The following DAPK1 variants were observed in gnomAD, a reference collection of about 807,000 sequenced individuals.
DAPK1 encodes death-associated protein kinase 1.
DAPK1 carries 56 observed loss-of-function variants against 144.9 expected under a neutral mutation model. That is an observed-to-expected ratio of 0.39 (90% confidence interval 0.31 to 0.48). DAPK1 has a LOEUF of 0.48. Among genes scored for constraint, DAPK1 ranks in the 20% least tolerant of loss-of-function variants. DAPK1 has a pLI of 0.95. For synonymous variants in DAPK1, 690 were observed against 749.0 expected, an observed-to-expected ratio of 0.92 and a Z score of 1.29; for missense variants, 1,454 against 1,875.4, an observed-to-expected ratio of 0.78 and a Z score of 4.15.
intron 2 of DAPK1, among the ~76,000 whole-genome samples, chr9:87,534,379 A>G (rs1825797477): frequency 6.6e-6 from 1 of 151,708 alleles, no homozygotes; most frequent in African/African-American, 2.4e-5. Context: ...TGGACATTTC[A>G]TTGGATCTTC....
chr9:87,604,000 T>C (rs1828620288), intron 2 of DAPK1, among the ~76,000 whole-genome samples: 1 of 152,200 alleles, frequency 6.6e-6, no homozygotes, highest in Non-Finnish European at 1.5e-5. Context: ...TATTGGCTTA[T>C]GTCGCTGAAA....
chr9:87,619,909 C>T (rs960617628), intron 3 of DAPK1, among the ~76,000 whole-genome samples: 6 of 152,194 alleles, frequency 3.9e-5, no homozygotes, highest in African/African-American at 1.4e-4. Context: ...CCGATGAGCT[C>T]TTCAGAAGAT....
intron 3 of DAPK1, among the ~76,000 whole-genome samples, chr9:87,611,334 A>G (rs185176643): frequency 8.6e-5 from 13 of 152,042 alleles, no homozygotes; most frequent in African/African-American, 1.9e-4. Context: ...TATTTTTCCT[A>G]GAGACGGGGT....
chr9:87,607,450 A>G (rs1196639371), intron 3 of DAPK1, among the ~76,000 whole-genome samples: 1 of 152,214 alleles, frequency 6.6e-6, no homozygotes, highest in Non-Finnish European at 1.5e-5. Context: ...AGCGATGCCT[A>G]TGAGTCACTG....
intron 24 of DAPK1, among the ~76,000 whole-genome samples, chr9:87,702,227 C>A (rs7022007): frequency 1.3e-5 from 2 of 152,020 alleles, no homozygotes; most frequent in African/African-American, 2.4e-5. Context: ...GAGGGGAGTG[C>A]GGAATTAATG....
intron 2 of DAPK1, among the ~76,000 whole-genome samples, chr9:87,501,364 C>CA (rs940013105): frequency 7.2e-5 from 11 of 151,788 alleles, no homozygotes; most frequent in East Asian, 1.9e-4. Flanking sequence ...ACTAAAAATA[C>CA]AAAAAAAATT....
chr9:87,561,585 C>G (rs774960041), intron 2 of DAPK1, among the ~76,000 whole-genome samples: 1 of 152,068 alleles, frequency 6.6e-6, no homozygotes. Flanking sequence ...TCTAATGAAA[C>G]CTTTCATTGA....
chr9:87,497,330 T>C (rs1824202236), upstream of DAPK1: 1 of 152,240 alleles, frequency 6.6e-6, no homozygotes, highest in African/African-American at 2.4e-5. Flanking sequence ...CATTCTCTAT[T>C]CCATTAACCT....
intron 17 of DAPK1, 174 bp from the exon 18 acceptor site, chr9:87,657,855 A>C: frequency 1.6e-6 from 1 of 617,186 alleles, no homozygotes; most frequent in East Asian, 2.8e-5. Context: ...AGTACTTGGA[A>C]AGGTTCTGCC....
intron 18 of DAPK1, 61 bp downstream of exon 18, chr9:87,658,188 G>A: frequency 2.8e-6 from 2 of 702,420 alleles, no homozygotes; most frequent in East Asian, 2.6e-5. Flanking sequence ...CGCCTCCAGG[G>A]CAGGAGGGAC....
intron 2 of DAPK1, among the ~76,000 whole-genome samples, chr9:87,542,240 A>G (rs1382335886): frequency 6.6e-6 from 1 of 152,252 alleles, no homozygotes; most frequent in Non-Finnish European, 1.5e-5. Context: ...GAACAATAAT[A>G]GGTAACATTT....
chr9:87,502,921 A>G (rs554958679), intron 2 of DAPK1, among the ~76,000 whole-genome samples: 10 of 152,112 alleles, frequency 6.6e-5, no homozygotes, highest in African/African-American at 2.4e-4. Flanking sequence ...TCTATGATCA[A>G]TATTGGGATT....
chr9:87,702,801 A>C (rs1017766743), intron 24 of DAPK1, among the ~76,000 whole-genome samples: 23 of 152,172 alleles, frequency 1.5e-4, no homozygotes, highest in African/African-American at 5.5e-4. Flanking sequence ...GCTACTCAGG[A>C]GACTGAGACA....
chr9:87,568,342 A>G (rs1827207528), intron 2 of DAPK1, among the ~76,000 whole-genome samples: 1 of 152,254 alleles, frequency 6.6e-6, no homozygotes, highest in South Asian at 2.1e-4. Flanking sequence ...CACTGTGCCC[A>G]TTGCTCTGGA....
chr9:87,508,543 C>T (rs968202705), intron 2 of DAPK1, among the ~76,000 whole-genome samples: 9 of 151,792 alleles, frequency 5.9e-5, no homozygotes, highest in Admixed American at 4.6e-4. Context: ...AGGGTTTCAC[C>T]GTGTTAGCCA....
At chr9:87,678,130 C>T (rs1260017610) in intron 19 of DAPK1, among the ~76,000 whole-genome samples, 1 of 152,214 alleles carries the variant, frequency 6.6e-6, no homozygotes, top group Non-Finnish European at 1.5e-5. Flanking sequence ...GTACAGACCA[C>T]CTCGTGTTCT....
intron 2 of DAPK1, among the ~76,000 whole-genome samples, chr9:87,592,153 A>C (rs1243953820): frequency 8.1e-6 from 1 of 124,072 alleles, no homozygotes; most frequent in Non-Finnish European, 1.6e-5. Context: ...GACCATGTTG[A>C]CCCCAGCTCT....
intron 18 of DAPK1, among the ~76,000 whole-genome samples, chr9:87,664,953 G>A (rs36216036): frequency 0.07 from 10,718 of 152,168 alleles, 1,162 homozygotes; most frequent in African/African-American, 0.24. Flanking sequence ...TCCACCGCCC[G>A]GGGGCCTTTG....
intron 2 of DAPK1, among the ~76,000 whole-genome samples, chr9:87,586,850 A>C (rs1394992130): frequency 6.6e-6 from 1 of 152,226 alleles, no homozygotes; most frequent in Admixed American, 6.5e-5. Flanking sequence ...GTCTAAACGT[A>C]GCTAATAGTA....
Sources: allele counts gnomAD v4.1 joint callset (sites outside exome capture counted in the v4.1 genomes callset), GRCh38; gene constraint gnomAD v4.1.1; transcripts MANE v1.5; gene names NCBI Gene and HGNC (gene_info 2026-07-23, HGNC 2026-07-21).